The following ACTR3C variants were observed in gnomAD, a reference collection of about 807,000 sequenced individuals.
ACTR3C encodes the protein actin-related protein 3C.
Under a neutral mutation model 26.3 loss-of-function variants are expected in ACTR3C, and 18 were observed. The observed-to-expected ratio is 0.68, with a 90% CI of 0.47 to 1.01. The LOEUF is 1.01. Among genes scored for constraint, ACTR3C ranks in the 50% least tolerant of loss-of-function variants. The pLI is 0.00. For missense variants in ACTR3C, 184 were observed against 250.7 expected, an observed-to-expected ratio of 0.73 and a Z score of 1.80; for synonymous variants, 55 against 94.5, an observed-to-expected ratio of 0.58 and a Z score of 2.42.
chr7:150,166,657 C>G, the ACTR3C span, among the ~76,000 whole-genome samples: 1 of 150,036 alleles, frequency 6.7e-6, no homozygotes, highest in Non-Finnish European at 1.5e-5. Context: ...CAAGATGGTG[C>G]CGCTACACTC....
the ACTR3C span, among the ~76,000 whole-genome samples, chr7:150,114,057 T>G: frequency 9.2e-5 from 14 of 152,322 alleles, no homozygotes; most frequent in South Asian, 2.7e-3. Flanking sequence ...CAACAGTATT[T>G]CTTGCTGAAA....
At chr7:149,898,407 T>C in the ACTR3C span, among the ~76,000 whole-genome samples, 2 of 152,122 alleles carry the variant, frequency 1.3e-5, no homozygotes, top group Non-Finnish European at 2.9e-5. Context: ...CAAGTCAATA[T>C]AAAAGATTGT....
chr7:149,967,298 G>A, the ACTR3C span, among the ~76,000 whole-genome samples: 2 of 151,868 alleles, frequency 1.3e-5, no homozygotes, highest in African/African-American at 4.8e-5. Context: ...GCCTCCCAAA[G>A]TGCTGGGATT....
the ACTR3C span, among the ~76,000 whole-genome samples, chr7:149,930,687 T>A: frequency 6.6e-6 from 1 of 152,256 alleles, no homozygotes; most frequent in Non-Finnish European, 1.5e-5. Context: ...TCGCTGGTGT[T>A]TTCTTGAAGA....
At chr7:149,901,314 CAT>C in the ACTR3C span, among the ~76,000 whole-genome samples, 2 of 150,388 alleles carry the variant, frequency 1.3e-5, no homozygotes, top group East Asian at 3.9e-4. Context: ...ATTACAATGA[CAT>C]AGAACTATAC....
At chr7:150,202,160 C>T in the ACTR3C span, among the ~76,000 whole-genome samples, 2 of 152,172 alleles carry the variant, frequency 1.3e-5, no homozygotes, top group Non-Finnish European at 2.9e-5. Context: ...GCCCCACAAC[C>T]CACAACCCCG....
chr7:150,154,091 GA>G, the ACTR3C span, among the ~76,000 whole-genome samples: 1 of 109,964 alleles, frequency 9.1e-6, no homozygotes, highest in Non-Finnish European at 1.8e-5. Flanking sequence ...GGGGAGGGGG[GA>G]GGGATAGCTT....
chr7:150,162,645 A>G, the ACTR3C span, among the ~76,000 whole-genome samples: 5 of 152,280 alleles, frequency 3.3e-5, no homozygotes, highest in Admixed American at 1.3e-4. Flanking sequence ...AACCTCAATT[A>G]CTTTTGCACC....
At chr7:150,303,321 C>T (rs1795574175) in intron 1 of ACTR3C, among the ~76,000 whole-genome samples, 1 of 152,146 alleles carries the variant, frequency 6.6e-6, no homozygotes, top group Non-Finnish European at 1.5e-5. Context: ...GATCATGAGG[C>T]ATCCTTAGAA....
the ACTR3C span, among the ~76,000 whole-genome samples, chr7:150,193,477 G>T: frequency 7.7e-6 from 1 of 130,488 alleles, no homozygotes; most frequent in South Asian, 2.4e-4. Context: ...GGTAAAACTT[G>T]CTTTTCCTCT....
At chr7:150,048,247 TAGAAACCCGCACACA>T in the ACTR3C span, among the ~76,000 whole-genome samples, 1 of 151,888 alleles carries the variant, frequency 6.6e-6, no homozygotes, top group Admixed American at 6.5e-5. Context: ...TGGCACCACC[TAGAAACCCGCACACA>T]TTCCGAGCGC....
chr7:150,178,659 A>G, the ACTR3C span, among the ~76,000 whole-genome samples: 1 of 150,736 alleles, frequency 6.6e-6, no homozygotes, highest in Non-Finnish European at 1.5e-5. Flanking sequence ...AAGTTATGGC[A>G]GTATGAACTC....
At chr7:150,192,314 A>G in the ACTR3C span, among the ~76,000 whole-genome samples, 3 of 151,696 alleles carry the variant, frequency 2.0e-5, no homozygotes, top group African/African-American at 7.3e-5. Context: ...TTTTTCCAAG[A>G]CAGGGTCTTG....
chr7:150,126,260 G>A, the ACTR3C span, among the ~76,000 whole-genome samples: 1 of 152,162 alleles, frequency 6.6e-6, no homozygotes, highest in Non-Finnish European at 1.5e-5. Flanking sequence ...TCTTGTGTTT[G>A]TATTTGACTT....
At chr7:150,149,121 ATATATG>A in the ACTR3C span, among the ~76,000 whole-genome samples, 1 of 99,428 alleles carries the variant, frequency 1.0e-5, no homozygotes, top group African/African-American at 3.9e-5. Flanking sequence ...ATATATATAT[ATATATG>A]CATTGGCCAT....
chr7:150,141,880 G>A, the ACTR3C span, among the ~76,000 whole-genome samples: 1,609 of 152,046 alleles, frequency 0.011, 23 homozygotes, highest in African/African-American at 0.037. Context: ...AGGCCCTGAA[G>A]GAACAGAAGG....
At chr7:149,933,670 CAG>C in the ACTR3C span, among the ~76,000 whole-genome samples, 1 of 152,208 alleles carries the variant, frequency 6.6e-6, no homozygotes, top group African/African-American at 2.4e-5. Flanking sequence ...TAGCAACACA[CAG>C]AGTCTGGGTG....
At chr7:150,166,894 T>C in the ACTR3C span, among the ~76,000 whole-genome samples, 2 of 150,464 alleles carry the variant, frequency 1.3e-5, no homozygotes, top group African/African-American at 5.0e-5. Context: ...ATGAGTGAGA[T>C]CATACAATAT....
At chr7:150,106,863 A>C in the ACTR3C span, among the ~76,000 whole-genome samples, 1 of 146,488 alleles carries the variant, frequency 6.8e-6, no homozygotes, top group Non-Finnish European at 1.5e-5. Flanking sequence ...GCTGGGAAAG[A>C]GGGAGTATTA....
Sources: allele counts gnomAD v4.1 joint callset (sites outside exome capture counted in the v4.1 genomes callset), GRCh38; gene constraint gnomAD v4.1.1; transcripts MANE v1.5; gene names NCBI Gene and HGNC (gene_info 2026-07-23, HGNC 2026-07-21).